The following FCHSD2 variants were observed in gnomAD, a reference collection of about 807,000 sequenced individuals.
The protein encoded by FCHSD2 is F-BAR and double SH3 domains protein 2.
Under a neutral mutation model 108.1 loss-of-function variants are expected in FCHSD2, and 38 were observed. The observed-to-expected ratio is 0.35, with a 90% CI of 0.27 to 0.46. The LOEUF (loss-of-function observed/expected upper bound fraction) is 0.46, where lower values mean the gene tolerates loss of function less well. FCHSD2 is among the 20% of genes least tolerant of loss of function. The pLI is 1.00. For synonymous variants in FCHSD2, 279 were observed against 314.7 expected, an observed-to-expected ratio of 0.89 and a Z score of 1.20; for missense variants, 751 against 897.8, an observed-to-expected ratio of 0.84 and a Z score of 2.09.
intron 12 of FCHSD2, among the ~76,000 whole-genome samples, chr11:72,875,209 G>A (rs979969427): frequency 1.8e-4 from 27 of 151,930 alleles, no homozygotes. Flanking sequence ...AATCAATAAT[G>A]GTAGATAATA....
chr11:73,108,823 G>A (rs1038827219), intron 2 of FCHSD2, among the ~76,000 whole-genome samples: 8 of 151,556 alleles, frequency 5.3e-5, no homozygotes, highest in South Asian at 2.1e-4. Context: ...CACCCGCTTC[G>A]GCCTCCCAAA....
intron 3 of FCHSD2, among the ~76,000 whole-genome samples, chr11:73,065,930 A>C (rs1859279682): frequency 6.6e-6 from 1 of 152,178 alleles, no homozygotes; most frequent in South Asian, 2.1e-4. Flanking sequence ...CATACCACCC[A>C]AAGTAATTTA....
At chr11:73,122,951 A>C (rs1860768182) in intron 2 of FCHSD2, among the ~76,000 whole-genome samples, 1 of 152,238 alleles carries the variant, frequency 6.6e-6, no homozygotes, top group Non-Finnish European at 1.5e-5. Flanking sequence ...TTTAGAGTAC[A>C]CATAGTTTAT....
intron 3 of FCHSD2, among the ~76,000 whole-genome samples, chr11:73,070,132 T>C (rs1046843815): frequency 6.6e-6 from 1 of 152,170 alleles, no homozygotes; most frequent in Non-Finnish European, 1.5e-5. Context: ...GAAGAAAATA[T>C]AGGGTAAACA....
At chr11:73,077,705 C>A in intron 3 of FCHSD2, 2 of 375,878 alleles carry the variant, frequency 5.3e-6, no homozygotes, top group Non-Finnish European at 1.0e-5. Flanking sequence ...AATACTGATG[C>A]ACACAACAAC....
intron 13 of FCHSD2, among the ~76,000 whole-genome samples, chr11:72,867,216 C>T (rs1038520877): frequency 2.6e-5 from 4 of 152,158 alleles, no homozygotes; most frequent in African/African-American, 9.7e-5. Flanking sequence ...CATCACATAT[C>T]CAGCTATGTA....
At chr11:73,068,828 A>AAG (rs1859361616) in intron 3 of FCHSD2, among the ~76,000 whole-genome samples, 3 of 149,374 alleles carry the variant, frequency 2.0e-5, no homozygotes, top group East Asian at 1.9e-4. Context: ...AAAAAAAAAA[A>AAG]AAAAGAAAAA....
At chr11:73,071,897 T>G (rs1859446085) in intron 3 of FCHSD2, among the ~76,000 whole-genome samples, 1 of 152,126 alleles carries the variant, frequency 6.6e-6, no homozygotes. Flanking sequence ...GCCTGACACA[T>G]GATCTTAATA....
intron 8 of FCHSD2, among the ~76,000 whole-genome samples, chr11:72,967,541 T>A (rs1366790124): frequency 6.6e-6 from 1 of 152,200 alleles, no homozygotes; most frequent in African/African-American, 2.4e-5. Context: ...TGATTCCATT[T>A]ATATGAAATG....
At chr11:72,926,768 G>A (rs1462900627) in intron 8 of FCHSD2, among the ~76,000 whole-genome samples, 1 of 152,148 alleles carries the variant, frequency 6.6e-6, no homozygotes, top group African/African-American at 2.4e-5. Flanking sequence ...CAGAAAAACT[G>A]GCACCCCAGA....
intron 2 of FCHSD2, among the ~76,000 whole-genome samples, chr11:73,114,073 C>G (rs1034288319): frequency 1.3e-5 from 2 of 151,916 alleles, no homozygotes; most frequent in African/African-American, 4.8e-5. Flanking sequence ...TAGCCAGGTA[C>G]TGGAGTCAAA....
intron 3 of FCHSD2, among the ~76,000 whole-genome samples, chr11:73,049,070 C>T (rs1336569041): frequency 6.6e-6 from 1 of 152,112 alleles, no homozygotes; most frequent in Admixed American, 6.6e-5. Context: ...AGTAAAAAGT[C>T]CTGCCATGGG....
At chr11:72,887,678 C>T in intron 11 of FCHSD2, 104 bp from the exon 12 acceptor site, 2 of 668,514 alleles carry the variant, frequency 3.0e-6, no homozygotes, top group Non-Finnish European at 4.8e-6. Flanking sequence ...TGACTAGTAG[C>T]CATAATTTTT....
chr11:72,921,716 T>G (rs978648382), intron 9 of FCHSD2, 112 bp downstream of exon 9: 1 of 781,914 alleles, frequency 1.3e-6, no homozygotes. Flanking sequence ...CCAGGAAATT[T>G]GTTCGTTAAT....
At chr11:72,989,901 A>G (rs142629561) in intron 5 of FCHSD2, among the ~76,000 whole-genome samples, 86 of 152,188 alleles carry the variant, frequency 5.7e-4, no homozygotes, top group African/African-American at 1.8e-3. Flanking sequence ...GCAAAAGCTC[A>G]GCAAAGCAGG....
chr11:72,902,491 A>G, intron 10 of FCHSD2, 52 bp downstream of exon 10: 4 of 1,260,966 alleles, frequency 3.2e-6, no homozygotes, highest in Non-Finnish European at 4.5e-6. Flanking sequence ...CTGTTACTTA[A>G]GCACAAACAC....
At chr11:72,963,985 T>A (rs1856860561) in intron 8 of FCHSD2, among the ~76,000 whole-genome samples, 1 of 152,206 alleles carries the variant, frequency 6.6e-6, no homozygotes, top group Non-Finnish European at 1.5e-5. Flanking sequence ...AAGTAGATCT[T>A]TACTTACCAA....
chr11:72,883,805 G>A (rs1349698574), intron 12 of FCHSD2, among the ~76,000 whole-genome samples: 7 of 151,914 alleles, frequency 4.6e-5, no homozygotes, highest in African/African-American at 1.2e-4. Flanking sequence ...GGTGGAGTGC[G>A]CCTGTATTCC....
chr11:72,878,010 A>T (rs2135226892), intron 12 of FCHSD2, among the ~76,000 whole-genome samples: 1 of 152,300 alleles, frequency 6.6e-6, no homozygotes, highest in South Asian at 2.1e-4. Context: ...ATTTTTTTAA[A>T]TATATAAAGC....
Sources: allele counts gnomAD v4.1 joint callset (sites outside exome capture counted in the v4.1 genomes callset), GRCh38; gene constraint gnomAD v4.1.1; transcripts MANE v1.5; gene names NCBI Gene and HGNC (gene_info 2026-07-23, HGNC 2026-07-21).